The following ALK variants were observed in gnomAD, a reference collection of about 807,000 sequenced individuals.
ALK encodes the protein ALK tyrosine kinase receptor.
Under a neutral mutation model 163.1 loss-of-function variants are expected in ALK, and 74 were observed. The ratio of observed to expected loss-of-function variants is 0.45; its 90% CI spans 0.38 to 0.55. The LOEUF (loss-of-function observed/expected upper bound fraction) is 0.55, where lower values mean the gene tolerates loss of function less well. Ranked by LOEUF, ALK falls within the 20% of genes least tolerant of loss-of-function variation. The pLI, the probability that ALK is intolerant of heterozygous loss-of-function variation, is 0.00. For synonymous variants in ALK, 960 were observed against 843.2 expected, an observed-to-expected ratio of 1.14 and a Z score of -2.40; for missense variants, 2,063 against 2,105.3, an observed-to-expected ratio of 0.98 and a Z score of 0.39.
chr2:29,855,470 AC>A lies in ALK; in HGVS notation c.667+64522del, dbSNP rs367962007. ...TTCTACCAAGAGATCACTACCTCAC[AC>A]CCCTGGGGATATGAAAATGTAAAGA... is the stretch of plus-strand genomic sequence containing the variant. On this transcript the variant is annotated intron_variant, in intron 1 of 28. Transcript: ENST00000389048. 2.1e-4 allele frequency among the ~76,000 whole-genome samples: 32 copies of A among 152,032 alleles called. No homozygotes were observed. In the East Asian group the frequency reaches 5.0e-3, roughly 24 times the overall value.
chr2:29,391,445 T>C (rs1324329028), intron 4 of ALK, among the ~76,000 whole-genome samples: 1 of 152,012 alleles, frequency 6.6e-6, no homozygotes, highest in Non-Finnish European at 1.5e-5. Flanking sequence ...GGATTATAGG[T>C]GTGCGCCATC....
intron 5 of ALK, among the ~76,000 whole-genome samples, chr2:29,368,748 C>T (rs1322386612): frequency 6.6e-6 from 1 of 152,172 alleles, no homozygotes; most frequent in African/African-American, 2.4e-5. Context: ...TCCCTGTCTT[C>T]CTCCTCCTTT....
At chr2:29,223,312 C>A (rs200409896) in intron 20 of ALK, 30 bp downstream of exon 20, 1 of 1,613,162 alleles carries the variant, frequency 6.2e-7, no homozygotes, top group Admixed American at 1.7e-5. Flanking sequence ...CTGCACCCCT[C>A]TCCTCCCAGG....
At chr2:29,598,075 TG>T (rs2148212270) in intron 3 of ALK, among the ~76,000 whole-genome samples, 3 of 152,354 alleles carry the variant, frequency 2.0e-5, no homozygotes, top group South Asian at 4.1e-4. Context: ...TCACCCAGAC[TG>T]GAGTGCAATG....
At chr2:29,314,909 C>G (rs1410570670) in intron 8 of ALK, among the ~76,000 whole-genome samples, 1 of 152,178 alleles carries the variant, frequency 6.6e-6, no homozygotes, top group Non-Finnish European at 1.5e-5. Context: ...CCAGACACAT[C>G]CGCGGGTGTC....
intron 3 of ALK, among the ~76,000 whole-genome samples, chr2:29,641,441 A>C (rs1459900560): frequency 6.6e-6 from 1 of 152,178 alleles, no homozygotes; most frequent in African/African-American, 2.4e-5. Context: ...AGTCCAGTAC[A>C]TTGTGAGTTG....
At chr2:29,351,844 A>G (rs1169899811) in intron 5 of ALK, among the ~76,000 whole-genome samples, 1 of 152,128 alleles carries the variant, frequency 6.6e-6, no homozygotes, top group Non-Finnish European at 1.5e-5. Flanking sequence ...GAGAAGTGGC[A>G]CTTAACTGGG....
At chr2:29,594,649 G>T (rs1253519720) in intron 3 of ALK, among the ~76,000 whole-genome samples, 1 of 151,674 alleles carries the variant, frequency 6.6e-6, no homozygotes, top group Admixed American at 6.6e-5. Context: ...GGCTGGTCTC[G>T]AATTCCTGAC....
intron 26 of ALK, among the ~76,000 whole-genome samples, chr2:29,203,485 C>CTTTTTTTTTT (rs1156462365): frequency 0.13 from 4,193 of 32,526 alleles, 1,892 homozygotes; most frequent in Non-Finnish European, 0.14. Context: ...GAGGATGTGC[C>CTTTTTTTTTT]TTTTTTTTTT....
At chr2:29,912,203 A>T (rs987108408) in intron 1 of ALK, among the ~76,000 whole-genome samples, 29 of 152,208 alleles carry the variant, frequency 1.9e-4, no homozygotes, top group African/African-American at 6.5e-4. Flanking sequence ...ATAATAATTG[A>T]AAAATCCCAT....
At chr2:29,503,070 C>T (rs1301516149) in intron 4 of ALK, among the ~76,000 whole-genome samples, 1 of 152,180 alleles carries the variant, frequency 6.6e-6, no homozygotes, top group Non-Finnish European at 1.5e-5. Context: ...ATGATGTCTT[C>T]GCAGTTGTAA....
chr2:29,355,461 C>A (rs1406694269), intron 5 of ALK, among the ~76,000 whole-genome samples: 1 of 152,084 alleles, frequency 6.6e-6, no homozygotes, highest in Non-Finnish European at 1.5e-5. Flanking sequence ...CCTGCTAACA[C>A]ACACACCACA....
chr2:29,490,787 T>C (rs1396328514), intron 4 of ALK, among the ~76,000 whole-genome samples: 1 of 152,328 alleles, frequency 6.6e-6, no homozygotes, highest in Non-Finnish European at 1.5e-5. Flanking sequence ...AATGTATGTG[T>C]TTGTTTATAA....
At chr2:29,761,072 C>G (rs1202005509) in intron 1 of ALK, among the ~76,000 whole-genome samples, 1 of 152,164 alleles carries the variant, frequency 6.6e-6, no homozygotes, top group Non-Finnish European at 1.5e-5. Context: ...GAGAACACAG[C>G]CCTTCTCTTG....
intron 26 of ALK, among the ~76,000 whole-genome samples, chr2:29,198,488 G>C (rs1669078663): frequency 1.3e-5 from 2 of 152,130 alleles, no homozygotes; most frequent in African/African-American, 4.8e-5. Flanking sequence ...GATAGATCTT[G>C]AATCCAGATA....
intron 1 of ALK, among the ~76,000 whole-genome samples, chr2:29,860,102 G>C (rs1666242691): frequency 6.6e-6 from 1 of 152,188 alleles, no homozygotes; most frequent in Non-Finnish European, 1.5e-5. Flanking sequence ...TTCCAAATAA[G>C]ACACACAAAG....
chr2:29,338,447 C>T (rs779375321), intron 5 of ALK, among the ~76,000 whole-genome samples: 2 of 152,180 alleles, frequency 1.3e-5, no homozygotes, highest in African/African-American at 4.8e-5. Flanking sequence ...AGCTAAACAT[C>T]GGGATGTGCA....
chr2:29,328,272 A>T, intron 6 of ALK, 78 bp downstream of exon 6: 1 of 1,607,730 alleles, frequency 6.2e-7, no homozygotes, highest in East Asian at 2.2e-5. Flanking sequence ...CCATGCTCTC[A>T]TGCCTGGGAT....
intron 1 of ALK, among the ~76,000 whole-genome samples, chr2:29,834,666 G>A (rs1389716573): frequency 6.6e-6 from 1 of 152,160 alleles, no homozygotes; most frequent in East Asian, 1.9e-4. Context: ...AAAAGGGTGC[G>A]AGTATAGAGA....
Sources: allele counts gnomAD v4.1 joint callset (sites outside exome capture counted in the v4.1 genomes callset), GRCh38; gene constraint gnomAD v4.1.1; transcripts MANE v1.5; gene names NCBI Gene and HGNC (gene_info 2026-07-23, HGNC 2026-07-21).